The following INTS7 variants were observed in gnomAD, a reference collection of about 807,000 sequenced individuals.
The protein encoded by INTS7 is chromosome 1 open reading frame 73.
INTS7 carries 46 observed loss-of-function variants against 109.2 expected under a neutral mutation model. The ratio of observed to expected loss-of-function variants is 0.42; its 90% CI spans 0.33 to 0.54. The LOEUF is 0.54. Ranked by LOEUF, INTS7 falls within the 20% of genes least tolerant of loss-of-function variation. The probability of loss-of-function intolerance (pLI) is 0.07; values close to 1 mark genes in which losing one functional copy is unlikely to be tolerated. For missense variants in INTS7, 929 were observed against 1,132.4 expected, an observed-to-expected ratio of 0.82 and a Z score of 2.58; for synonymous variants, 412 against 402.9, an observed-to-expected ratio of 1.02 and a Z score of -0.27.
At chr1:212,035,284 C>G (rs1571930209) in intron 1 of INTS7, 60 bp downstream of exon 1, 2 of 1,143,162 alleles carry the variant, frequency 1.7e-6, no homozygotes, top group Non-Finnish European at 2.7e-6. Flanking sequence ...GCAACCACCA[C>G]CTGGTGGCGC....
chr1:211,947,201 G>T (rs1662881768), intron 17 of INTS7, among the ~76,000 whole-genome samples: 1 of 152,110 alleles, frequency 6.6e-6, no homozygotes, highest in African/African-American at 2.4e-5. Flanking sequence ...GTCGAATTCA[G>T]ATGAAAGAGG....
chr1:211,974,556 G>A (rs1664335151), intron 13 of INTS7, among the ~76,000 whole-genome samples: 1 of 151,840 alleles, frequency 6.6e-6, no homozygotes, highest in South Asian at 2.1e-4. Context: ...TACTTTTAAA[G>A]GGAAAAAGCC....
At chr1:211,952,453 G>T in intron 17 of INTS7, 116 bp downstream of exon 17, 1 of 1,022,794 alleles carries the variant, frequency 9.8e-7, no homozygotes, top group Non-Finnish European at 1.4e-6. Context: ...CCTGTTTTAT[G>T]GATAAGGAAA....
Position 212,016,900 on chromosome 1 carries a change from G to A in INTS7, c.495C>T (p.Phe165=). The A allele has an allele frequency of 1.2e-6, 2 of 1,606,226 alleles. No homozygotes were observed. Among genetic ancestry groups the A allele is most frequent in the Non-Finnish European group, 1.7e-6 (2 of 1,177,392 alleles). The change falls in exon 4 of 20, where the codon TTC becomes TTT. Residue 165 remains phenylalanine, a synonymous_variant. Transcript: ENST00000366994. ...TGTAAGCTTACTTTGACTGTGCAGA[G>A]AAGTTTGCAGCAGCAAAAACAGCAG... ...VEAAVFAAAN[F]SAQSKDFAVG...
At position 211,968,498 on chromosome 1, in the gene INTS7, A is replaced by C. The variant is rs757097710; in HGVS notation, c.2010+15T>G. Reference sequence around the variant, plus strand: ...TAAAGTGTAAATAAAAAATGCACTGAAAGTTAAGACATGCCTGATTGGAGA... The same window carrying C: ...TAAAGTGTAAATAAAAAATGCACTGCAAGTTAAGACATGCCTGATTGGAGA... On this transcript the variant is annotated intron_variant, in intron 14 of 19. Coordinates refer to ENST00000366994, the MANE Select transcript of INTS7 (RefSeq NM_015434.4). The C allele has an allele frequency of 6.3e-6, 10 of 1,596,286 alleles. No individual in the cohort carries two copies. The highest frequency in any genetic ancestry group is 6.8e-6 in the Non-Finnish European group (8 of 1,171,474).
intron 17 of INTS7, among the ~76,000 whole-genome samples, chr1:211,951,761 G>A (rs1663102518): frequency 6.6e-6 from 1 of 152,204 alleles, no homozygotes; most frequent in Non-Finnish European, 1.5e-5. Context: ...GGACTTTCCT[G>A]CCTCCAAAAC....
At chr1:211,952,027 G>C (rs1011989386) in intron 17 of INTS7, among the ~76,000 whole-genome samples, 2 of 152,202 alleles carry the variant, frequency 1.3e-5, no homozygotes, top group South Asian at 4.1e-4. Flanking sequence ...AGGCATTAAT[G>C]TCATCACCTG....
At chr1:211,994,772 A>C (rs1230166326) in intron 7 of INTS7, among the ~76,000 whole-genome samples, 1 of 151,648 alleles carries the variant, frequency 6.6e-6, no homozygotes, top group Admixed American at 6.6e-5. Context: ...TTAAAAAAAA[A>C]GTATGTTCAA....
chr1:211,988,418 T>C (rs1664993866), intron 7 of INTS7, among the ~76,000 whole-genome samples: 1 of 145,510 alleles, frequency 6.9e-6, no homozygotes, highest in African/African-American at 2.6e-5. Flanking sequence ...CAAGACCCTG[T>C]CTCAAAAAAA....
rs1296105141 is a variant in INTS7 at position 211,982,656 on chromosome 1, T to C, written c.1132+20A>G. 6 of 1,579,926 alleles carry C rather than the reference T, an allele frequency of 3.8e-6. No homozygotes were observed. The highest frequency in any genetic ancestry group is 5.2e-6 in the Non-Finnish European group (6 of 1,162,610). ...TCTAAACCAAAGTTTATACGTAATA[T>C]CAGTCCTGATCAAACTTACCCTTTT... On this transcript the variant is annotated intron_variant, in intron 9 of 19. Transcript: ENST00000366994.
At chr1:212,028,258 A>C (rs762083933) in intron 1 of INTS7, among the ~76,000 whole-genome samples, 2 of 152,234 alleles carry the variant, frequency 1.3e-5, no homozygotes, top group Non-Finnish European at 2.9e-5. Context: ...TATCTGGCAC[A>C]ATGTTTTTAA....
In INTS7 at chr1:211,942,501, T is replaced by C. The variant is rs769652053; in HGVS notation, c.2602-390A>G. Among the ~76,000 whole-genome samples, 1 of 152,202 alleles carries C rather than the reference T, an allele frequency of 6.6e-6. No individual in the cohort carries two copies. The highest frequency in any genetic ancestry group is 1.5e-5 in the Non-Finnish European group (1 of 68,032). ...TATCTTCCTTTAGACTGTGAAGAGA[T>C]ATTCTGAAGAAATAGGATGAAATCA... is the stretch of plus-strand genomic sequence containing the variant. On this transcript the variant is annotated intron_variant, in intron 19 of 19. Coordinates refer to ENST00000366994, the MANE Select transcript of INTS7 (RefSeq NM_015434.4). The surrounding 1 kb of genome is among the most constrained non-coding windows in gnomAD (Gnocchi z 4.2).
intron 16 of INTS7, among the ~76,000 whole-genome samples, chr1:211,955,285 G>A (rs1035157888): frequency 6.6e-6 from 1 of 152,182 alleles, no homozygotes; most frequent in Non-Finnish European, 1.5e-5. Flanking sequence ...AGCCTAAGGA[G>A]ATTTTGGGCT....
At chr1:211,969,337 A>G (rs971777284) in intron 13 of INTS7, among the ~76,000 whole-genome samples, 1 of 151,476 alleles carries the variant, frequency 6.6e-6, no homozygotes, top group African/African-American at 2.4e-5. Flanking sequence ...CTTCAAGGAC[A>G]TTACCATCCC....
intron 5 of INTS7, 21 bp downstream of exon 5, chr1:212,011,354 T>C (rs1666159484): frequency 7.4e-7 from 1 of 1,353,294 alleles, no homozygotes. Flanking sequence ...CACTTCATAA[T>C]ACTAAATGAA....
intron 8 of INTS7, among the ~76,000 whole-genome samples, chr1:211,985,863 A>G (rs1304366601): frequency 1.3e-5 from 2 of 152,310 alleles, no homozygotes; most frequent in East Asian, 1.9e-4. Flanking sequence ...TTCAAAGTGC[A>G]ATGTTGGTGA....
At chr1:212,021,754 G>A (rs1339554041) in intron 1 of INTS7, among the ~76,000 whole-genome samples, 1 of 151,874 alleles carries the variant, frequency 6.6e-6, no homozygotes, top group Non-Finnish European at 1.5e-5. Context: ...AGGCTGAGGT[G>A]GACGAATCAC....
chr1:211,949,292 A>G (rs749618863), intron 17 of INTS7, among the ~76,000 whole-genome samples: 2 of 152,194 alleles, frequency 1.3e-5, no homozygotes, highest in Non-Finnish European at 2.9e-5. Flanking sequence ...ATGACCTTAT[A>G]TGCATCCCAG....
intron 12 of INTS7, among the ~76,000 whole-genome samples, chr1:211,976,194 T>C (rs1664409812): frequency 6.6e-6 from 1 of 152,170 alleles, no homozygotes; most frequent in South Asian, 2.1e-4. Context: ...GAGTACAGCA[T>C]ACTAAAGCTT....
Sources: allele counts gnomAD v4.1 joint callset (sites outside exome capture counted in the v4.1 genomes callset), GRCh38; gene constraint gnomAD v4.1.1; non-coding constraint Gnocchi (gnomAD v3.1); transcripts MANE v1.5; gene names NCBI Gene and HGNC (gene_info 2026-07-23, HGNC 2026-07-21).